Variants in DDX55 observed in about 807,000 individuals in gnomAD.
DDX55 encodes ATP-dependent RNA helicase DDX55.
Under a neutral mutation model 69.2 loss-of-function variants are expected in DDX55, and 56 were observed. That is an observed-to-expected ratio of 0.81 (90% confidence interval 0.65 to 1.01). The LOEUF (loss-of-function observed/expected upper bound fraction) is 1.01. Among genes scored for constraint, DDX55 ranks in the 50% least tolerant of loss-of-function variants. The pLI, the probability that DDX55 is intolerant of heterozygous loss-of-function variation, is 0.00. For synonymous variants in DDX55, 268 were observed against 273.1 expected (o/e 0.98, Z 0.18); for missense variants, 720 against 745.1 (o/e 0.97, Z 0.39).
At position 123,602,202 on chromosome 12, in the gene DDX55, G is replaced by A. The variant is rs1212686446; in HGVS notation, c.54G>A (p.Pro18=). 1.3e-6 allele frequency: 2 copies of A among 1,573,656 alleles called. No homozygotes were observed. Among genetic ancestry groups the A allele is most frequent in the Non-Finnish European group, 8.6e-7 (1 of 1,161,670 alleles). ...AGTCGCTGCCTGTGCCGCTGCACCCGCAGGTGCTGGGCGCGCTGCGGGAGC... is the reference window on the plus strand; with the variant it reads ...AGTCGCTGCCTGTGCCGCTGCACCCACAGGTGCTGGGCGCGCTGCGGGAGC... The part of the protein sequence containing the change: ...SWESLPVPLH[P]QVLGALRELG... The change falls in exon 1 of 14, where the codon CCG becomes CCA. Residue 18 remains proline (P), a synonymous_variant. Transcript: ENST00000238146.
intron 9 of DDX55, among the ~76,000 whole-genome samples, chr12:123,615,977 A>G (rs1296075686): frequency 6.6e-6 from 1 of 152,184 alleles, no homozygotes; most frequent in East Asian, 1.9e-4. Context: ...GTGAGACTCC[A>G]TCTCAAAAAC....
intron 12 of DDX55, 130 bp from the exon 13 acceptor site, chr12:123,619,302 C>T: frequency 7.1e-7 from 1 of 1,409,830 alleles, no homozygotes; most frequent in Non-Finnish European, 9.3e-7. Context: ...TGCACCCGGC[C>T]TCAATTATTT....
chr12:123,608,590 TG>T (rs1489829958), intron 5 of DDX55, 89 bp from the exon 6 acceptor site: 2 of 1,489,866 alleles, frequency 1.3e-6, no homozygotes, highest in African/African-American at 1.4e-5. Flanking sequence ...TAAATGACTT[TG>T]GGGGGATATA....
Position 123,613,262 on chromosome 12 carries a change from T to C in DDX55, c.824+10T>C, listed in dbSNP as rs768442362. ...ACCTGGTCTTCTTCAGGTACTCCTC[T>C]GGTCTCTGTGGTAGAGGCATCAGGG... On this transcript the variant is annotated intron_variant, in intron 8 of 13. Coordinates refer to ENST00000238146, the MANE Select transcript of DDX55 (RefSeq NM_020936.3). 1 of 1,613,832 alleles carries C rather than the reference T, an allele frequency of 6.2e-7. No homozygotes were observed. Among genetic ancestry groups the C allele is most frequent in the Non-Finnish European group, 8.5e-7 (1 of 1,179,766 alleles).
intron 8 of DDX55, among the ~76,000 whole-genome samples, chr12:123,614,032 T>G: frequency 6.6e-6 from 1 of 152,164 alleles, no homozygotes; most frequent in Non-Finnish European, 1.5e-5. Context: ...TTCTTTTCTA[T>G]CTGTTATCCT....
intron 6 of DDX55, 67 bp from the exon 7 acceptor site, chr12:123,609,872 T>TTTTGAATA: frequency 6.5e-7 from 1 of 1,535,452 alleles, no homozygotes; most frequent in Non-Finnish European, 8.8e-7. Flanking sequence ...CTGTTTAGTA[T>TTTTGAATA]CGTGAAGCAC....
At chr12:123,605,801 G>T in intron 1 of DDX55, 130 bp from the exon 2 acceptor site, 1 of 1,201,324 alleles carries the variant, frequency 8.3e-7, no homozygotes, top group Non-Finnish European at 1.2e-6. Flanking sequence ...ATGGTGACTT[G>T]GTTACTCAGA....
chr12:123,616,727 T>A, intron 10 of DDX55, 124 bp downstream of exon 10: 1 of 1,080,450 alleles, frequency 9.3e-7, no homozygotes, highest in South Asian at 1.3e-5. Flanking sequence ...TCCAGCGTGC[T>A]TGGGTCTGCA....
At chr12:123,610,890 G>GTTTTT (rs759513993) in intron 7 of DDX55, among the ~76,000 whole-genome samples, 19 of 132,786 alleles carry the variant, frequency 1.4e-4, no homozygotes, top group African/African-American at 3.4e-4. Flanking sequence ...GCGCCCGGCC[G>GTTTTT]TTTTTTTTTG....
At chr12:123,606,584 T>A (rs1204999553) in intron 3 of DDX55, among the ~76,000 whole-genome samples, 1 of 17,538 alleles carries the variant, frequency 5.7e-5, no homozygotes, top group East Asian at 0.015. Flanking sequence ...GTTTTTTACC[T>A]TTTTTTTTTT....
chr12:123,619,273 G>T, intron 12 of DDX55, among the ~76,000 whole-genome samples, 159 bp from the exon 13 acceptor site: 1 of 152,206 alleles, frequency 6.6e-6, no homozygotes, highest in East Asian at 1.9e-4. Flanking sequence ...AAAGTGCTGG[G>T]ATTACAGGCG....
At position 123,620,339 on chromosome 12, in the gene DDX55, C is replaced by T. The variant is rs1481671947; in HGVS notation, c.*199C>T. 30 of 499,834 alleles carry T rather than the reference C, an allele frequency of 6.0e-5. 1 individual carries two copies. In the South Asian group the frequency reaches 1.1e-3, roughly 18 times the overall value. The allele number at this position is 499,834 out of a possible 1,614,324, so 31.0% of individuals were successfully genotyped here. A position where few individuals can be genotyped will look rare whatever the true frequency, so the allele number is the denominator to read the frequency against. Reference sequence around the variant, plus strand: ...TTTACTAAAAACATTCCAGTCTTGGCCGGGTGCGGTGGCTCCTGCCTATAA... The same window carrying T: ...TTTACTAAAAACATTCCAGTCTTGGTCGGGTGCGGTGGCTCCTGCCTATAA... On this transcript the variant is annotated 3_prime_UTR_variant, in exon 14 of 14. Coordinates refer to ENST00000238146, the MANE Select transcript of DDX55 (RefSeq NM_020936.3).
chr12:123,607,298 ATGC>A, intron 3 of DDX55, 131 bp from the exon 4 acceptor site: 1 of 864,648 alleles, frequency 1.2e-6, no homozygotes, highest in Non-Finnish European at 1.8e-6. Flanking sequence ...GTGCTCAGAG[ATGC>A]TGCTGAGAAA....
chr12:123,613,143 T>C (rs762990636), intron 7 of DDX55, 27 bp from the exon 8 acceptor site: 1 of 1,611,400 alleles, frequency 6.2e-7, no homozygotes, highest in Non-Finnish European at 8.5e-7. Context: ...AATATGTTTT[T>C]TATTAGTTTC....
chr12:123,617,726 T>C (rs1459441529), intron 10 of DDX55, 32 bp from the exon 11 acceptor site: 1 of 1,581,668 alleles, frequency 6.3e-7, no homozygotes, highest in African/African-American at 1.4e-5. Context: ...TGTCATCACC[T>C]GGGTACCCAT....
rs1955073059 is a variant in DDX55, at chr12:123,620,625, T to TATATAA, written c.*488_*489insTAAATA. The TATATAA allele has an allele frequency of 8.3e-6, 1 of 120,656 alleles. No homozygotes were observed. Among genetic ancestry groups the TATATAA allele is most frequent in the Non-Finnish European group, 1.7e-5 (1 of 57,578 alleles). The allele number at this position is 120,656 out of a possible 1,614,324, so 7.5% of individuals were successfully genotyped here. Reference sequence around the variant, plus strand: ...ATATATATATATATATATATATATATATAAGCTCTTTTTTCTGAGGCTATT... The same window carrying TATATAA: ...ATATATATATATATATATATATATATATATAAATAAGCTCTTTTTTCTGAGGCTATT... On this transcript the variant is annotated 3_prime_UTR_variant, in exon 14 of 14. Coordinates refer to ENST00000238146, the MANE Select transcript of DDX55 (RefSeq NM_020936.3).
intron 7 of DDX55, among the ~76,000 whole-genome samples, chr12:123,611,645 A>T (rs1300222613): frequency 6.6e-6 from 1 of 152,200 alleles, no homozygotes; most frequent in Non-Finnish European, 1.5e-5. Context: ...GTTTGTGTCA[A>T]TTTGTAGGCA....
At chr12:123,610,241 G>A (rs1954130334) in intron 7 of DDX55, 113 bp downstream of exon 7, 2 of 1,368,420 alleles carry the variant, frequency 1.5e-6, no homozygotes, top group Admixed American at 2.8e-5. Flanking sequence ...AAATGCATTT[G>A]GGGACAGAGC....
intron 10 of DDX55, chr12:123,616,849 CAAAA>C: frequency 6.7e-6 from 3 of 447,612 alleles, no homozygotes; most frequent in Middle Eastern, 5.7e-4. Context: ...TGAGAGAAAA[CAAAA>C]AACAACAACA....
Sources: allele counts gnomAD v4.1 joint callset (sites outside exome capture counted in the v4.1 genomes callset), GRCh38; gene constraint gnomAD v4.1.1; transcripts MANE v1.5; gene names NCBI Gene and HGNC (gene_info 2026-07-23, HGNC 2026-07-21).